The following CMSS1 variants were observed in gnomAD, a reference collection of about 807,000 sequenced individuals.
CMSS1 encodes the protein protein CMSS1.
CMSS1 carries 33 observed loss-of-function variants against 43.5 expected under a neutral mutation model. That is an observed-to-expected ratio of 0.76 (90% CI 0.57 to 1.01). The LOEUF is 1.01. Ranked by LOEUF, CMSS1 falls within the 50% of genes least tolerant of loss-of-function variation. The pLI is 0.00. For synonymous variants in CMSS1, 115 were observed against 117.2 expected, an observed-to-expected ratio of 0.98 and a Z score of 0.12; for missense variants, 313 against 326.4, an observed-to-expected ratio of 0.96 and a Z score of 0.32.
chr3:99,859,661 A>G (rs1182467045), intron 1 of CMSS1, among the ~76,000 whole-genome samples: 1 of 152,194 alleles, frequency 6.6e-6, no homozygotes, highest in Non-Finnish European at 1.5e-5. Context: ...ACATAATTTT[A>G]ACTGTGTTGC....
At chr3:100,139,583 ATATATATGTGTGTG>A (rs1480362583) in intron 1 of CMSS1, among the ~76,000 whole-genome samples, 4 of 139,686 alleles carry the variant, frequency 2.9e-5, no homozygotes, top group Non-Finnish European at 6.1e-5. Context: ...ATATATGTGT[ATATATATGTGTGTG>A]TATATATGTG....
intron 1 of CMSS1, among the ~76,000 whole-genome samples, chr3:99,854,819 C>G: frequency 6.6e-6 from 1 of 152,188 alleles, no homozygotes; most frequent in Non-Finnish European, 1.5e-5. Context: ...ACAGGTGCAA[C>G]TGAGAGCTCC....
intron 1 of CMSS1, among the ~76,000 whole-genome samples, chr3:99,993,334 T>C (rs2107140107): frequency 6.6e-6 from 1 of 152,196 alleles, no homozygotes; most frequent in East Asian, 1.9e-4. Context: ...GTTTTGGAGC[T>C]TGGAACTTCA....
In CMSS1 at chr3:99,817,904, G is replaced by C. The variant is rs957979811; in HGVS notation, c.-76G>C. The C allele has an allele frequency of 1.5e-5, 22 of 1,515,386 alleles. No homozygotes were observed. Among genetic ancestry groups the C allele is most frequent in the Non-Finnish European group, 2.0e-5 (22 of 1,095,112 alleles). 93.9% of individuals were successfully genotyped at this position (1,515,386 alleles called of 1,614,324 possible). On this transcript the variant is annotated 5_prime_UTR_variant, in exon 1 of 10. Coordinates refer to ENST00000421999, the MANE Select transcript of CMSS1 (RefSeq NM_032359.4). ...CCGCGTGTAGCTACGCCGGCCGCCT[G>C]GCTTTGAGACAACGTGATTCTCCGC...
At position 100,005,833 on chromosome 3, in the gene CMSS1, A is replaced by T. The variant is rs561948473; in HGVS notation, c.65-141140A>T. Among the ~76,000 whole-genome samples the T allele has an allele frequency of 1.2e-4, 18 of 152,304 alleles. No homozygotes were observed. The South Asian group carries it at 3.5e-3, about 30-fold the overall frequency. On this transcript the variant is annotated intron_variant, in intron 1 of 9. Transcript: ENST00000421999. ...AGAGAGGAAAGAACTGAAAGGAGAG[A>T]ACTTGGAAGAAGCTTTCTTTGGCTT...
chr3:100,061,167 G>A (rs1353827220), intron 1 of CMSS1, among the ~76,000 whole-genome samples: 2 of 152,026 alleles, frequency 1.3e-5, no homozygotes, highest in Non-Finnish European at 2.9e-5. Flanking sequence ...TAAAAGGAAG[G>A]AAGGGTACAA....
chr3:99,850,601 T>C (rs1436739507), intron 1 of CMSS1: 5 of 1,613,916 alleles, frequency 3.1e-6, no homozygotes, highest in Non-Finnish European at 4.2e-6. Context: ...TCTCCCTTAC[T>C]GATTTTTTCT....
At chr3:99,965,414 C>T (rs1708619772) in intron 1 of CMSS1, among the ~76,000 whole-genome samples, 2 of 152,212 alleles carry the variant, frequency 1.3e-5, no homozygotes, top group Non-Finnish European at 2.9e-5. Flanking sequence ...GTAGTGTACT[C>T]TGTGGATGTA....
Position 99,819,489 on chromosome 3 carries a change from GA to G in CMSS1, c.64+1448del, listed in dbSNP as rs529584104. On this transcript the variant is annotated intron_variant, in intron 1 of 9. Coordinates refer to ENST00000421999, the MANE Select transcript of CMSS1 (RefSeq NM_032359.4). ...ATGTGACAAATGTCTTCATAAATAT[GA>G]ATTGATTTAACTTTCATAACATCCC... 3.1e-3 allele frequency among the ~76,000 whole-genome samples: 476 copies of G among 152,276 alleles called. 4 individuals are homozygous for G. Among genetic ancestry groups the G allele is most frequent in the African/African-American group, 0.011 (450 of 41,560 alleles).
At chr3:100,172,127 C>A in intron 7 of CMSS1, 189 bp from the exon 8 acceptor site, 1 of 641,542 alleles carries the variant, frequency 1.6e-6, no homozygotes, top group Non-Finnish European at 2.7e-6. Flanking sequence ...GAGGCTTGAC[C>A]CTTTGATTCC....
intron 1 of CMSS1, among the ~76,000 whole-genome samples, chr3:100,059,128 G>C (rs1241220961): frequency 6.6e-6 from 1 of 152,188 alleles, no homozygotes; most frequent in Non-Finnish European, 1.5e-5. Flanking sequence ...TTAAAAGAAA[G>C]AACAGATTGA....
chr3:99,871,633 C>T (rs1015207286), intron 1 of CMSS1, among the ~76,000 whole-genome samples: 1 of 152,142 alleles, frequency 6.6e-6, no homozygotes, highest in Admixed American at 6.5e-5. Context: ...GTTTTGAAGG[C>T]ATTGAGTCAC....
intron 1 of CMSS1, among the ~76,000 whole-genome samples, chr3:99,979,273 A>G (rs1709053558): frequency 6.6e-6 from 1 of 152,184 alleles, no homozygotes; most frequent in African/African-American, 2.4e-5. Flanking sequence ...ATGAGACTCT[A>G]CCTAAAATTT....
intron 1 of CMSS1, among the ~76,000 whole-genome samples, chr3:100,075,299 A>G (rs961576602): frequency 6.6e-6 from 1 of 152,204 alleles, no homozygotes; most frequent in Non-Finnish European, 1.5e-5. Context: ...AGAGCATGCT[A>G]GTTGCTGCCA....
intron 1 of CMSS1, among the ~76,000 whole-genome samples, chr3:100,029,325 AACACT>A (rs1315183660): frequency 1.1e-4 from 17 of 152,206 alleles, no homozygotes; most frequent in African/African-American, 3.8e-4. Flanking sequence ...TTAGTCACAT[AACACT>A]ATTGATTTTG....
intron 1 of CMSS1, among the ~76,000 whole-genome samples, chr3:99,829,958 G>T (rs1387300282): frequency 6.6e-6 from 1 of 152,098 alleles, no homozygotes; most frequent in African/African-American, 2.4e-5. Flanking sequence ...GATTTTAATT[G>T]TCCTGTCATC....
chr3:100,013,875 C>G (rs924891043), intron 1 of CMSS1, among the ~76,000 whole-genome samples: 12 of 152,088 alleles, frequency 7.9e-5, no homozygotes, highest in Admixed American at 2.0e-4. Context: ...ATGTTGTTAA[C>G]TATAGTCACC....
At chr3:100,073,772 T>A (rs1369770414) in intron 1 of CMSS1, among the ~76,000 whole-genome samples, 1 of 152,186 alleles carries the variant, frequency 6.6e-6, no homozygotes, top group African/African-American at 2.4e-5. Context: ...CAAGATCTCC[T>A]GTTTGATTCC....
At chr3:99,991,885 T>C (rs914745113) in intron 1 of CMSS1, among the ~76,000 whole-genome samples, 6 of 150,014 alleles carry the variant, frequency 4.0e-5, no homozygotes, top group Admixed American at 6.7e-5. Flanking sequence ...CACATATATG[T>C]ATATATGTGT....
Sources: allele counts gnomAD v4.1 joint callset (sites outside exome capture counted in the v4.1 genomes callset), GRCh38; gene constraint gnomAD v4.1.1; transcripts MANE v1.5; gene names NCBI Gene and HGNC (gene_info 2026-07-23, HGNC 2026-07-21).